VSTM2B: variants seen among roughly 807,000 people sequenced by gnomAD.
VSTM2B encodes V-set and transmembrane domain containing 2B.
A neutral mutation model predicts 24.0 loss-of-function variants in VSTM2B; 24 were observed. The observed-to-expected ratio is 1.00, with a 90% CI of 0.72 to 1.40. VSTM2B has a LOEUF of 1.40. Among genes scored for constraint, VSTM2B ranks in the 40% most tolerant of loss-of-function variants. The pLI, the probability that VSTM2B is intolerant of heterozygous loss-of-function variation, is 0.00. For missense variants in VSTM2B, 399 were observed against 416.4 expected, an observed-to-expected ratio of 0.96 and a Z score of 0.36; for synonymous variants, 226 against 194.4, an observed-to-expected ratio of 1.16 and a Z score of -1.35.
chr19:29,539,995 G>T (rs1969986177), intron 4 of VSTM2B, among the ~76,000 whole-genome samples: 1 of 152,276 alleles, frequency 6.6e-6, no homozygotes, highest in South Asian at 2.1e-4. Flanking sequence ...CTGTCCATCA[G>T]CTGCCCTCAG....
chr19:29,550,336 G>A (rs1353638598), intron 4 of VSTM2B, among the ~76,000 whole-genome samples: 1 of 152,226 alleles, frequency 6.6e-6, no homozygotes, highest in Non-Finnish European at 1.5e-5. Flanking sequence ...TCAGGAGGCT[G>A]AGGCAGGAGA....
chr19:29,530,089 C>T lies in VSTM2B; in HGVS notation c.568C>T (p.Arg190Cys), dbSNP rs1188939132. 6.1e-6 allele frequency: 9 copies of T among 1,477,184 alleles called. No homozygotes were observed. Among genetic ancestry groups the T allele is most frequent in the African/African-American group, 4.4e-5 (3 of 67,912 alleles). The allele number at this position is 1,477,184 out of a possible 1,614,324, so 91.5% of individuals were successfully genotyped here. The change falls in exon 4 of 5, where the codon CGT becomes TGT. Residue 190 changes from arginine (R) to cysteine (C), a missense_variant. Arg to Cys is a radical substitution (Grantham distance 180). Coordinates refer to ENST00000335523, the MANE Select transcript of VSTM2B (RefSeq NM_001146339.2). ...CGCCAACAACGCGGGCGCCGCGAGC[C>T]GTACCACCTCCGAGCCCGGCCGCGG... ...ANANNAGAAS[R>C]TTSEPGRGDK...
intron 4 of VSTM2B, among the ~76,000 whole-genome samples, 194 bp downstream of exon 4, chr19:29,530,484 C>T (rs145111873): frequency 6.6e-6 from 1 of 152,352 alleles, no homozygotes; most frequent in East Asian, 1.9e-4. Context: ...TACTCCTGGC[C>T]TCTGGAAGCA....
At chr19:29,531,454 G>T (rs1192562936) in intron 4 of VSTM2B, among the ~76,000 whole-genome samples, 1 of 152,178 alleles carries the variant, frequency 6.6e-6, no homozygotes, top group East Asian at 1.9e-4. Context: ...GAATCCGCTG[G>T]GGCAGGTCTT....
At chr19:29,542,708 G>A (rs373847276) in intron 4 of VSTM2B, among the ~76,000 whole-genome samples, 6 of 152,260 alleles carry the variant, frequency 3.9e-5, no homozygotes, top group East Asian at 3.9e-4. Context: ...GTAGAAAGTA[G>A]GAGAAATGGG....
chr19:29,562,051 G>A (rs138969949), intron 4 of VSTM2B, among the ~76,000 whole-genome samples: 40 of 152,318 alleles, frequency 2.6e-4, no homozygotes, highest in African/African-American at 8.9e-4. Flanking sequence ...CCAGAACTGT[G>A]TGCAGAAGCG....
At chr19:29,545,167 CG>C (rs1406585346) in intron 4 of VSTM2B, among the ~76,000 whole-genome samples, 1 of 151,814 alleles carries the variant, frequency 6.6e-6, no homozygotes, top group Non-Finnish European at 1.5e-5. Context: ...GGGAGGTCTC[CG>C]GGGGTCGGCA....
chr19:29,541,044 C>T (rs1970007804), intron 4 of VSTM2B, among the ~76,000 whole-genome samples: 1 of 152,176 alleles, frequency 6.6e-6, no homozygotes, highest in African/African-American at 2.4e-5. Flanking sequence ...AATGCAAAGG[C>T]CTCACAGAAG....
In VSTM2B at chr19:29,529,903, C is replaced by A; in HGVS notation, c.382C>A (p.Arg128Ser). The A allele has an allele frequency of 6.5e-7, 1 of 1,550,342 alleles. No individual in the cohort carries two copies. Among genetic ancestry groups the A allele is most frequent in the Non-Finnish European group, 8.7e-7 (1 of 1,146,872 alleles). ...GCAGGACGAGGGCGTGTACGAGTGC[C>A]GCGTGTCGGACTACAGCGACGACGA... ...RLQDEGVYEC[R>S]VSDYSDDDTQ... The change falls in exon 4 of 5, where the codon CGC (arginine) becomes AGC (serine). Residue 128 changes from arginine (R) to serine (S), a missense_variant. Transcript: ENST00000335523.
At chr19:29,550,011 T>C (rs1397607433) in intron 4 of VSTM2B, among the ~76,000 whole-genome samples, 1 of 152,252 alleles carries the variant, frequency 6.6e-6, no homozygotes, top group Non-Finnish European at 1.5e-5. Flanking sequence ...GCTGCCTTCT[T>C]GTTTCATTCT....
chr19:29,563,232 G>T (rs1434180206), intron 4 of VSTM2B, among the ~76,000 whole-genome samples: 1 of 148,674 alleles, frequency 6.7e-6, no homozygotes, highest in Non-Finnish European at 1.5e-5. Context: ...TGTATCTGGG[G>T]AGAAGGAAGC....
chr19:29,542,386 A>G (rs1457264856), intron 4 of VSTM2B, among the ~76,000 whole-genome samples: 1 of 141,686 alleles, frequency 7.1e-6, no homozygotes, highest in African/African-American at 2.7e-5. Flanking sequence ...TCAATGTGTG[A>G]ATGGGTGGAT....
At chr19:29,548,710 GC>G (rs1356553886) in intron 4 of VSTM2B, among the ~76,000 whole-genome samples, 3 of 152,112 alleles carry the variant, frequency 2.0e-5, no homozygotes, top group Non-Finnish European at 4.4e-5. Context: ...AGGCTCAGGA[GC>G]CCCATCAGGA....
chr19:29,560,395 G>A (rs748454806), intron 4 of VSTM2B, among the ~76,000 whole-genome samples: 29 of 152,112 alleles, frequency 1.9e-4, no homozygotes, highest in African/African-American at 6.0e-4. Context: ...GTTGCCCCGC[G>A]TCACATAGCA....
chr19:29,540,448 G>A (rs535300767), intron 4 of VSTM2B, among the ~76,000 whole-genome samples: 1 of 152,232 alleles, frequency 6.6e-6, no homozygotes, highest in Non-Finnish European at 1.5e-5. Flanking sequence ...TCCTGATCCT[G>A]CAGCCAAAGG....
intron 4 of VSTM2B, among the ~76,000 whole-genome samples, chr19:29,535,504 G>A (rs1969866304): frequency 6.6e-6 from 1 of 152,146 alleles, no homozygotes; most frequent in South Asian, 2.1e-4. Context: ...GCTGCTGGGT[G>A]CCCACACGGA....
chr19:29,530,416 T>A (rs1399211688), intron 4 of VSTM2B, 126 bp downstream of exon 4: 1 of 810,760 alleles, frequency 1.2e-6, no homozygotes, highest in East Asian at 3.4e-5. Context: ...GCATACTCCT[T>A]CCTAGTTAGG....
Position 29,526,104 on chromosome 19 carries a change from G to T in VSTM2B, c.-480G>T, listed in dbSNP as rs1164613595. Among the ~76,000 whole-genome samples, 2 of 151,968 alleles carry T rather than the reference G, an allele frequency of 1.3e-5. No homozygotes were observed. The highest frequency in any genetic ancestry group is 2.9e-5 in the Non-Finnish European group (2 of 67,952). ...TGAGCGCCCACTCGCCCTGCGGAAA[G>T]AGCCGCGGAGGAACCGGCGGGGGCG... On this transcript the variant is annotated 5_prime_UTR_variant, in exon 1 of 5. Transcript: ENST00000335523. This position sits in a 1 kb window ranked among gnomAD's most constrained non-coding sequence, Gnocchi z 4.1.
intron 4 of VSTM2B, among the ~76,000 whole-genome samples, chr19:29,538,546 C>A (rs553931074): frequency 3.3e-5 from 5 of 152,326 alleles, no homozygotes; most frequent in African/African-American, 1.2e-4. Context: ...TGATTGTATT[C>A]ATCCATTTTG....
Sources: allele counts gnomAD v4.1 joint callset (sites outside exome capture counted in the v4.1 genomes callset), GRCh38; gene constraint gnomAD v4.1.1; non-coding constraint Gnocchi (gnomAD v3.1); transcripts MANE v1.5; gene names NCBI Gene and HGNC (gene_info 2026-07-23, HGNC 2026-07-21).